CYP7B1: variants seen among roughly 807,000 people sequenced by gnomAD.
CYP7B1 encodes cytochrome P450 family 7 subfamily B member 1.
Under a neutral mutation model 42.7 loss-of-function variants are expected in CYP7B1, and 29 were observed. The observed-to-expected ratio is 0.68, with a 90% confidence interval of 0.51 to 0.93. CYP7B1 has a LOEUF of 0.93. Ranked by LOEUF, CYP7B1 falls within the 40% of genes least tolerant of loss-of-function variation. The pLI, the probability that CYP7B1 is intolerant of heterozygous loss-of-function variation, is 0.00. For missense variants in CYP7B1, 655 were observed against 600.5 expected (o/e 1.09, Z -0.95); for synonymous variants, 235 against 218.2 (o/e 1.08, Z -0.68).
chr8:64,645,127 A>T (rs1313741738), intron 1 of CYP7B1, among the ~76,000 whole-genome samples: 1 of 151,046 alleles, frequency 6.6e-6, no homozygotes, highest in South Asian at 2.1e-4. Flanking sequence ...TCCATGGTGT[A>T]TATGTGCCAC....
At chr8:64,735,451 C>T (rs898761859) in intron 1 of CYP7B1, among the ~76,000 whole-genome samples, 8 of 152,142 alleles carry the variant, frequency 5.3e-5, no homozygotes, top group Admixed American at 6.5e-5. Flanking sequence ...CTATTTATAT[C>T]TGGATAACAA....
At chr8:64,685,912 C>T (rs374652672) in intron 1 of CYP7B1, among the ~76,000 whole-genome samples, 5 of 36,064 alleles carry the variant, frequency 1.4e-4, no homozygotes, top group East Asian at 1.1e-3. Flanking sequence ...CCGTGCCGTC[C>T]GGGAGGGAGG....
Position 64,592,186 on chromosome 8 carries a change from TAAA to T in CYP7B1, c.*4453_*4455del, listed in dbSNP as rs747238529. 7.1e-6 allele frequency among the ~76,000 whole-genome samples: 1 copy of T among 140,842 alleles called. No homozygotes were observed. The highest frequency in any genetic ancestry group is 1.6e-5 in the Non-Finnish European group (1 of 64,360). The allele number at this position is 140,842 out of a possible 152,430, so 92.4% of individuals were successfully genotyped here. A position where few individuals can be genotyped will look rare whatever the true frequency, so the allele number is the denominator to read the frequency against. On this transcript the variant is annotated 3_prime_UTR_variant, in exon 6 of 6. Coordinates refer to ENST00000310193, the MANE Select transcript of CYP7B1 (RefSeq NM_004820.5). ...CTGGGCGACAGAGCAAGACTCCATC[TAAA>T]AAAAAAAAAGGATGGGATTTTACAA...
intron 1 of CYP7B1, among the ~76,000 whole-genome samples, chr8:64,757,791 T>G (rs1438761167): frequency 6.6e-6 from 1 of 152,098 alleles, no homozygotes; most frequent in South Asian, 2.1e-4. Flanking sequence ...TACTCACACA[T>G]GTGACTCTGG....
At chr8:64,678,200 C>T (rs957405527) in intron 1 of CYP7B1, among the ~76,000 whole-genome samples, 1 of 152,090 alleles carries the variant, frequency 6.6e-6, no homozygotes, top group South Asian at 2.1e-4. Flanking sequence ...ATAGTCAATG[C>T]TCAAATTCCT....
intron 5 of CYP7B1, among the ~76,000 whole-genome samples, chr8:64,603,038 T>C (rs530182780): frequency 5.9e-5 from 9 of 152,302 alleles, no homozygotes; most frequent in African/African-American, 1.4e-4. Context: ...TCAGGCATAA[T>C]TGGCTAATGT....
intron 1 of CYP7B1, among the ~76,000 whole-genome samples, chr8:64,650,390 G>A (rs1414472490): frequency 6.6e-6 from 1 of 152,206 alleles, no homozygotes; most frequent in Non-Finnish European, 1.5e-5. Context: ...GCTCATGTCT[G>A]TAATCCCAGC....
intron 1 of CYP7B1, among the ~76,000 whole-genome samples, chr8:64,795,036 C>T (rs930013249): frequency 2.6e-5 from 4 of 151,888 alleles, no homozygotes; most frequent in East Asian, 1.9e-4. Flanking sequence ...ACAATTACTT[C>T]GAAAAGTGTC....
chr8:64,730,460 A>G (rs1807392163), intron 1 of CYP7B1, among the ~76,000 whole-genome samples: 2 of 152,168 alleles, frequency 1.3e-5, no homozygotes, highest in South Asian at 2.1e-4. Context: ...CAACAAAGGT[A>G]CATGCTTTGT....
intron 1 of CYP7B1, among the ~76,000 whole-genome samples, chr8:64,663,666 TTC>T (rs1369009915): frequency 6.6e-6 from 1 of 152,202 alleles, no homozygotes; most frequent in Non-Finnish European, 1.5e-5. Flanking sequence ...GGTTCTCTCT[TTC>T]TGTCTCACCT....
In CYP7B1 at chr8:64,719,175, C is replaced by A. The variant is rs1585875169; in HGVS notation, c.122+79291G>T. Among the ~76,000 whole-genome samples, 2 of 152,282 alleles carry A rather than the reference C, an allele frequency of 1.3e-5. 1 individual carries two copies. Among genetic ancestry groups the A allele is most frequent in the South Asian group, 4.1e-4 (2 of 4,822 alleles). On this transcript the variant is annotated intron_variant, in intron 1 of 5. Coordinates refer to ENST00000310193, the MANE Select transcript of CYP7B1 (RefSeq NM_004820.5). ...TTCAATGACCAACCTACATTTATGA[C>A]AATTGAGTTCATTCCATGACTAAAA...
chr8:64,615,578 A>T (rs2129630185), intron 3 of CYP7B1, 113 bp downstream of exon 3: 2 of 1,015,142 alleles, frequency 2.0e-6, no homozygotes, highest in African/African-American at 1.6e-5. Flanking sequence ...TTTTATCATT[A>T]GCCAATTAGA....
intron 1 of CYP7B1, among the ~76,000 whole-genome samples, chr8:64,704,894 GA>G (rs1252477416): frequency 1.3e-5 from 2 of 151,912 alleles, no homozygotes; most frequent in African/African-American, 4.8e-5. Flanking sequence ...CTTATTGGGG[GA>G]AAAAATCAAC....
At chr8:64,656,663 G>C (rs1018669900) in intron 1 of CYP7B1, among the ~76,000 whole-genome samples, 13 of 152,112 alleles carry the variant, frequency 8.5e-5, no homozygotes, top group African/African-American at 3.1e-4. Context: ...CACAATCAAA[G>C]ATAAAACCAT....
chr8:64,606,359 T>G (rs1038238924), intron 4 of CYP7B1, among the ~76,000 whole-genome samples: 3 of 152,260 alleles, frequency 2.0e-5, no homozygotes, highest in Non-Finnish European at 4.4e-5. Flanking sequence ...GCCTCCCATG[T>G]ACTGCTGCCG....
At chr8:64,670,384 T>A (rs1266649163) in intron 1 of CYP7B1, among the ~76,000 whole-genome samples, 1 of 152,186 alleles carries the variant, frequency 6.6e-6, no homozygotes, top group Non-Finnish European at 1.5e-5. Flanking sequence ...AAAATTTTTA[T>A]AATTTTTATA....
At chr8:64,707,453 T>C (rs1197209877) in intron 1 of CYP7B1, among the ~76,000 whole-genome samples, 1 of 152,038 alleles carries the variant, frequency 6.6e-6, no homozygotes, top group East Asian at 1.9e-4. Flanking sequence ...TTCCTTTCTT[T>C]TGAGTGAACA....
At chr8:64,640,119 C>T (rs1805831567) in intron 1 of CYP7B1, among the ~76,000 whole-genome samples, 1 of 152,118 alleles carries the variant, frequency 6.6e-6, no homozygotes. Flanking sequence ...GGCAGATCAG[C>T]ATTCCCTTGG....
chr8:64,773,080 C>CAT (rs1191233950), intron 1 of CYP7B1, among the ~76,000 whole-genome samples: 1 of 152,200 alleles, frequency 6.6e-6, no homozygotes, highest in East Asian at 1.9e-4. Context: ...TTCCACTGTG[C>CAT]ATATCACTGC....
Sources: allele counts gnomAD v4.1 joint callset (sites outside exome capture counted in the v4.1 genomes callset), GRCh38; gene constraint gnomAD v4.1.1; transcripts MANE v1.5; gene names NCBI Gene and HGNC (gene_info 2026-07-23, HGNC 2026-07-21).